ADGRD1: variants seen among roughly 807,000 people sequenced by gnomAD.
The protein encoded by ADGRD1 is adhesion G protein-coupled receptor D1, also known as G-protein coupled receptor 133.
ADGRD1 carries 77 observed loss-of-function variants against 113.4 expected under a neutral mutation model. The ratio of observed to expected loss-of-function variants is 0.68; its 90% CI spans 0.57 to 0.82. The LOEUF is 0.82. Among genes scored for constraint, ADGRD1 ranks in the 40% least tolerant of loss-of-function variants. ADGRD1 has a pLI of 0.00. For missense variants in ADGRD1, 1,036 were observed against 1,139.1 expected, an observed-to-expected ratio of 0.91 and a Z score of 1.30; for synonymous variants, 474 against 475.0, an observed-to-expected ratio of 1.00 and a Z score of 0.03.
chr12:130,991,764 C>T (rs1210389511), intron 7 of ADGRD1, among the ~76,000 whole-genome samples: 4 of 152,138 alleles, frequency 2.6e-5, no homozygotes, highest in Non-Finnish European at 5.9e-5. Flanking sequence ...GCTCAGAAAG[C>T]TGAGACAGGA....
At chr12:131,097,773 G>A (rs1026848127) in intron 15 of ADGRD1, among the ~76,000 whole-genome samples, 2 of 152,224 alleles carry the variant, frequency 1.3e-5, no homozygotes, top group Non-Finnish European at 2.9e-5. Context: ...CAGGGTGGGC[G>A]TCAAAGGTTG....
rs1950405864 is a variant in ADGRD1, at chr12:131,114,017, A to T, written c.2042-4368A>T. On this transcript the variant is annotated intron_variant, in intron 18 of 24. Coordinates refer to ENST00000261654, the MANE Select transcript of ADGRD1 (RefSeq NM_198827.5). ...CGCACACACACGCACACACACTCAC[A>T]CTCTCCATAAGCCACAGAAAAGACA... 2.0e-5 allele frequency among the ~76,000 whole-genome samples: 3 copies of T among 152,104 alleles called. No individual in the cohort carries two copies. In the South Asian group the frequency reaches 6.2e-4, roughly 32 times the overall value.
chr12:131,091,385 A>G (rs1343518776), intron 15 of ADGRD1, among the ~76,000 whole-genome samples: 1 of 152,254 alleles, frequency 6.6e-6, no homozygotes, highest in African/African-American at 2.4e-5. Context: ...GATTGTGTAA[A>G]TTCTAATACA....
intron 6 of ADGRD1, chr12:130,990,663 C>G (rs1290877462): frequency 9.9e-6 from 2 of 202,484 alleles, no homozygotes; most frequent in African/African-American, 4.7e-5. Flanking sequence ...CTCATTTTAT[C>G]TCCAACCAGT....
chr12:131,022,608 C>T lies in ADGRD1; in HGVS notation c.1473+8268C>T, dbSNP rs1340161951. Among the ~76,000 whole-genome samples, 1 of 152,222 alleles carries T rather than the reference C, an allele frequency of 6.6e-6. No individual in the cohort carries two copies. Among genetic ancestry groups the T allele is most frequent in the Non-Finnish European group, 1.5e-5 (1 of 68,042 alleles). The stretch of plus-strand genomic sequence containing the variant: ...GTTGCTCCCGTTGTCGCGGCCGTGA[C>T]CGTCGGGAGCTCTGTCCAGTTGGTT... On this transcript the variant is annotated intron_variant, in intron 13 of 24. Transcript: ENST00000261654. This position sits in a 1 kb window ranked among gnomAD's most constrained non-coding sequence, Gnocchi z 4.6.
chr12:130,966,791 G>GT lies in ADGRD1; in HGVS notation c.187+245_187+246insT, dbSNP rs766583496. 3,104 of 380,664 alleles carry GT rather than the reference G, an allele frequency of 8.2e-3. 15 individuals carry two copies. Among genetic ancestry groups the GT allele is most frequent in the Non-Finnish European group, 0.011 (2,345 of 207,144 alleles). 23.6% of individuals were successfully genotyped at this position (380,664 alleles called of 1,614,324 possible). A position where few individuals can be genotyped will look rare whatever the true frequency, so the allele number is the denominator to read the frequency against. ...AACTTCCCGTAATAGTTATTTCAAA[G>GT]CTTTTTTTTTTGTAGAGATGGGGTC... is the stretch of plus-strand genomic sequence containing the variant. On this transcript the variant is annotated intron_variant, in intron 3 of 24. Coordinates refer to ENST00000261654, the MANE Select transcript of ADGRD1 (RefSeq NM_198827.5). This position sits in a 1 kb window ranked among gnomAD's most constrained non-coding sequence, Gnocchi z 4.6.
At chr12:131,031,806 G>GCATAC (rs1880785964) in intron 13 of ADGRD1, among the ~76,000 whole-genome samples, 1 of 152,156 alleles carries the variant, frequency 6.6e-6, no homozygotes, top group South Asian at 2.1e-4. Flanking sequence ...GGCCAGCTCT[G>GCATAC]CATACCAAAC....
At chr12:131,056,036 C>T (rs1361013586) in intron 13 of ADGRD1, among the ~76,000 whole-genome samples, 1 of 152,190 alleles carries the variant, frequency 6.6e-6, no homozygotes, top group East Asian at 1.9e-4. Flanking sequence ...CCCCTGGGAG[C>T]TCCTGATATG....
chr12:131,041,099 C>G lies in ADGRD1; in HGVS notation c.1473+26759C>G, dbSNP rs974406971. Among the ~76,000 whole-genome samples the G allele has an allele frequency of 6.6e-6, 1 of 152,176 alleles. No individual in the cohort carries two copies. The highest frequency in any genetic ancestry group is 1.5e-5 in the Non-Finnish European group (1 of 68,034). ...ATGATGCCACCATTTCTCTGATGCC[C>G]TCACTTGTCCTGGGGTGAATGTTTC... On this transcript the variant is annotated intron_variant, in intron 13 of 24. Transcript: ENST00000261654. The surrounding 1 kb of genome is among the most constrained non-coding windows in gnomAD (Gnocchi z 4.4).
At chr12:130,996,625 C>A (rs1875422869) in intron 8 of ADGRD1, among the ~76,000 whole-genome samples, 3 of 110,342 alleles carry the variant, frequency 2.7e-5, no homozygotes, top group Admixed American at 8.2e-5. Flanking sequence ...GCGCCCCTCA[C>A]CTCCCGGACG....
At chr12:131,024,721 C>G (rs186446871) in intron 13 of ADGRD1, 1 of 152,234 alleles carries the variant, frequency 6.6e-6, no homozygotes, top group African/African-American at 2.4e-5. Flanking sequence ...ACGATGAAAT[C>G]GCCTAATGAT....
chr12:131,090,657 G>T (rs1886847401), intron 15 of ADGRD1, among the ~76,000 whole-genome samples: 1 of 152,222 alleles, frequency 6.6e-6, no homozygotes, highest in Non-Finnish European at 1.5e-5. Flanking sequence ...CTCTGTCTTT[G>T]CATGCTGCTG....
chr12:131,050,263 C>T lies in ADGRD1; in HGVS notation c.1474-26538C>T, dbSNP rs1372636678. The stretch of plus-strand genomic sequence containing the variant: ...CAATGAGATTCTCAGTCAGGACATC[C>T]GGTGCTATTCATAGCCAGGAAGTGC... On this transcript the variant is annotated intron_variant, in intron 13 of 24. Coordinates refer to ENST00000261654, the MANE Select transcript of ADGRD1 (RefSeq NM_198827.5). This position sits in a 1 kb window ranked among gnomAD's most constrained non-coding sequence, Gnocchi z 4.8. Among the ~76,000 whole-genome samples the T allele has an allele frequency of 2.6e-5, 4 of 151,960 alleles. No homozygotes were observed. The South Asian group carries it at 6.3e-4, about 24-fold the overall frequency.
In ADGRD1 at chr12:131,075,751, G is replaced by T. The variant is rs34859130; in HGVS notation, c.1474-1050G>T. On this transcript the variant is annotated intron_variant, in intron 13 of 24. Coordinates refer to ENST00000261654, the MANE Select transcript of ADGRD1 (RefSeq NM_198827.5). The surrounding 1 kb of genome is among the most constrained non-coding windows in gnomAD (Gnocchi z 5.3). ...GTCGAGGCCAGGATGGCGCTCATGAGGGGGGCTGCCCTCGTGGCTCTGTCC... is the reference window on the plus strand; with the variant it reads ...GTCGAGGCCAGGATGGCGCTCATGATGGGGGCTGCCCTCGTGGCTCTGTCC... Among the ~76,000 whole-genome samples, 13,029 of 152,278 alleles carry T rather than the reference G, an allele frequency of 0.086. 734 individuals are homozygous for T. The highest frequency in any genetic ancestry group is 0.12 in the Non-Finnish European group (8,484 of 68,000).
At chr12:131,034,706 G>A (rs73477365) in intron 13 of ADGRD1, among the ~76,000 whole-genome samples, 7,340 of 152,226 alleles carry the variant, frequency 0.048, 543 homozygotes, top group African/African-American at 0.17. Flanking sequence ...GCTAGGACAC[G>A]GTGGTGGCCC....
intron 13 of ADGRD1, chr12:131,024,503 G>A (rs1879719309): frequency 6.6e-6 from 1 of 152,232 alleles, no homozygotes; most frequent in Non-Finnish European, 1.5e-5. Flanking sequence ...CCATCAGACT[G>A]TAAGACCAGA....
Position 130,966,584 on chromosome 12 carries a change from G to A in ADGRD1, c.187+38G>A. ...GTGCTGAGAGCGGCTGTGGGCGCGG[G>A]AATCCCAGGGCCATCAGGAGGCGTG... On this transcript the variant is annotated intron_variant, in intron 3 of 24. Transcript: ENST00000261654. This position sits in a 1 kb window ranked among gnomAD's most constrained non-coding sequence, Gnocchi z 4.6. 7.8e-7 allele frequency: 1 copy of A among 1,287,406 alleles called. No homozygotes were observed. The allele number at this position is 1,287,406 out of a possible 1,614,324, so 79.7% of individuals were successfully genotyped here.
intron 13 of ADGRD1, among the ~76,000 whole-genome samples, chr12:131,052,551 A>G (rs961477631): frequency 6.6e-6 from 1 of 152,160 alleles, no homozygotes; most frequent in African/African-American, 2.4e-5. Context: ...TGCCTCCGCC[A>G]GGGCTGGCAC....
At chr12:131,017,257 T>G in intron 13 of ADGRD1, among the ~76,000 whole-genome samples, 1 of 147,976 alleles carries the variant, frequency 6.8e-6, no homozygotes. Context: ...ATACACTCAG[T>G]CCACACACAC....
Sources: gnomAD v4.1 joint callset for allele counts (sites outside exome capture counted in the v4.1 genomes callset) on GRCh38, gnomAD v4.1.1 for gene constraint, Gnocchi (gnomAD v3.1) non-coding constraint, MANE v1.5 for transcripts, NCBI Gene and HGNC (gene_info 2026-07-23, HGNC 2026-07-21) for gene names.